ZC3H12B: variants seen among roughly 807,000 people sequenced by gnomAD.
ZC3H12B encodes zinc finger CCCH-type containing 12B.
ZC3H12B carries 7 observed loss-of-function variants against 43.9 expected under a neutral mutation model. That is an observed-to-expected ratio of 0.16 (90% CI 0.09 to 0.30). The LOEUF (loss-of-function observed/expected upper bound fraction) is 0.30, where lower values mean the gene tolerates loss of function less well. Ranked by LOEUF, ZC3H12B falls within the 10% of genes least tolerant of loss-of-function variation. The pLI is 1.00. For synonymous variants in ZC3H12B, 222 were observed against 241.7 expected (o/e 0.92, Z 0.76); for missense variants, 475 against 670.2 (o/e 0.71, Z 3.22).
intron 3 of ZC3H12B, among the ~76,000 whole-genome samples, chrX:65,441,698 G>T (rs761739642): frequency 9.0e-6 from 1 of 111,626 alleles, no homozygotes; most frequent in Admixed American, 9.5e-5. Flanking sequence ...AAAAGTAATC[G>T]CATTGTCCCT....
At chrX:65,260,409 C>A in the ZC3H12B span, among the ~76,000 whole-genome samples, 2 of 110,752 alleles carry the variant, frequency 1.8e-5, no homozygotes, top group Non-Finnish European at 3.8e-5. Flanking sequence ...ACACTAGGGA[C>A]TACTTGAGGG....
the ZC3H12B span, among the ~76,000 whole-genome samples, chrX:65,223,304 A>T: frequency 2.0e-5 from 2 of 100,964 alleles, no homozygotes; most frequent in Non-Finnish European, 4.1e-5. Context: ...ACGCCGTCTT[A>T]AAAAAAAAAA....
chrX:65,432,565 C>A (rs896679381), intron 3 of ZC3H12B, among the ~76,000 whole-genome samples: 1 of 111,542 alleles, frequency 9.0e-6, no homozygotes, highest in African/African-American at 3.3e-5. Flanking sequence ...CTGTTCTGGG[C>A]CCCACTCAGA....
Position 65,450,876 on chromosome X carries a change from T to C in ZC3H12B, n.408-37770T>C, listed in dbSNP as rs191558835. On this transcript the variant is annotated intron_variant and non_coding_transcript_variant, in intron 3 of 5. Coordinates refer to the ZC3H12B transcript ENST00000617377. The stretch of plus-strand genomic sequence containing the variant: ...ACATATGTGTATATATGTATATATA[T>C]ACATATGTGTATATATGTATATATA... Among the ~76,000 whole-genome samples the C allele has an allele frequency of 1.6e-3, 119 of 74,413 alleles. 5 individuals carry two copies. Among genetic ancestry groups the C allele is most frequent in the African/African-American group, 0.011 (107 of 9,960 alleles). 64.6% of individuals were successfully genotyped at this position (74,413 alleles called of 115,157 possible).
At chrX:65,332,157 C>A in the ZC3H12B span, among the ~76,000 whole-genome samples, 1 of 110,500 alleles carries the variant, frequency 9.0e-6, no homozygotes, top group African/African-American at 3.3e-5. Flanking sequence ...TTTCTCCCCT[C>A]CCTTTTATAA....
chrX:65,142,689 T>C, the ZC3H12B span, among the ~76,000 whole-genome samples: 1 of 112,487 alleles, frequency 8.9e-6, no homozygotes, highest in Non-Finnish European at 1.9e-5. Flanking sequence ...AGGTGAGAGA[T>C]GAGGATCCAG....
chrX:65,429,136 C>T (rs1043170532), intron 3 of ZC3H12B, among the ~76,000 whole-genome samples: 2 of 112,272 alleles, frequency 1.8e-5, no homozygotes, highest in African/African-American at 6.5e-5. Context: ...TCTGGAAGTT[C>T]CATCCCAGGA....
the ZC3H12B span, among the ~76,000 whole-genome samples, chrX:65,104,000 G>A: frequency 1.8e-5 from 2 of 111,607 alleles, no homozygotes; most frequent in East Asian, 2.8e-4. Flanking sequence ...GAGGTATCAT[G>A]CTACCTGACT....
intron 2 of ZC3H12B, among the ~76,000 whole-genome samples, chrX:65,398,375 C>T (rs2066725598): frequency 1.8e-5 from 2 of 112,025 alleles, no homozygotes; most frequent in African/African-American, 6.5e-5. Flanking sequence ...TATTATACTA[C>T]AGAACTATAG....
chrX:65,035,738 GT>G, the ZC3H12B span, among the ~76,000 whole-genome samples: 1 of 111,222 alleles, frequency 9.0e-6, no homozygotes, highest in African/African-American at 3.3e-5. Flanking sequence ...ACTTTTCAGT[GT>G]TGTTGCTACT....
At chrX:65,173,460 T>C in the ZC3H12B span, among the ~76,000 whole-genome samples, 1 of 111,941 alleles carries the variant, frequency 8.9e-6, no homozygotes, top group African/African-American at 3.2e-5. Context: ...AATACTATGT[T>C]GAATGGGAGT....
At chrX:65,432,065 G>A (rs1354008778) in intron 3 of ZC3H12B, among the ~76,000 whole-genome samples, 1 of 111,936 alleles carries the variant, frequency 8.9e-6, no homozygotes, top group Non-Finnish European at 1.9e-5. Context: ...TATAAGCTGA[G>A]AGAGAGAAGA....
At chrX:65,095,028 A>G in the ZC3H12B span, among the ~76,000 whole-genome samples, 1 of 112,314 alleles carries the variant, frequency 8.9e-6, no homozygotes, top group African/African-American at 3.2e-5. Context: ...CAAACTGAGA[A>G]TATTTATTAC....
At chrX:65,472,484 AC>A (rs2067930765) in intron 3 of ZC3H12B, among the ~76,000 whole-genome samples, 1 of 109,120 alleles carries the variant, frequency 9.2e-6, no homozygotes, top group South Asian at 3.9e-4. Flanking sequence ...CTGGGATCAT[AC>A]CCAAAAAATC....
intron 3 of ZC3H12B, among the ~76,000 whole-genome samples, chrX:65,463,847 C>A (rs2067784496): frequency 9.0e-6 from 1 of 111,001 alleles, no homozygotes; most frequent in Non-Finnish European, 1.9e-5. Flanking sequence ...ACACATTTCA[C>A]TTTTCTCTTC....
the ZC3H12B span, among the ~76,000 whole-genome samples, chrX:65,198,861 C>G: frequency 9.0e-6 from 1 of 111,714 alleles, no homozygotes; most frequent in African/African-American, 3.3e-5. Flanking sequence ...CAGTTTCACT[C>G]TGTTGCCCAC....
intron 2 of ZC3H12B, among the ~76,000 whole-genome samples, chrX:65,378,960 C>A (rs1224420281): frequency 1.8e-5 from 2 of 112,413 alleles, no homozygotes; most frequent in Non-Finnish European, 3.8e-5. Flanking sequence ...GGGTCCTATG[C>A]CCACGGAGTC....
intron 3 of ZC3H12B, among the ~76,000 whole-genome samples, chrX:65,459,744 C>A (rs1391464938): frequency 9.0e-6 from 1 of 111,519 alleles, no homozygotes; most frequent in Non-Finnish European, 1.9e-5. Flanking sequence ...ACCCCACAGC[C>A]AATATCATAC....
intron 2 of ZC3H12B, among the ~76,000 whole-genome samples, chrX:65,392,208 G>A (rs376971378): frequency 3.4e-4 from 38 of 110,929 alleles, no homozygotes; most frequent in East Asian, 2.6e-3. Context: ...AGTGAGGAGC[G>A]TCTCTGCCTG....
Sources: gnomAD v4.1 joint callset for allele counts (sites outside exome capture counted in the v4.1 genomes callset) on GRCh38, gnomAD v4.1.1 for gene constraint, MANE v1.5 for transcripts, NCBI Gene and HGNC (gene_info 2026-07-23, HGNC 2026-07-21) for gene names.